The following DNAJC1 variants were observed in gnomAD, a reference collection of about 807,000 sequenced individuals.
The protein encoded by DNAJC1 is DnaJ heat shock protein family (Hsp40) member C1, also known as dnaJ homolog subfamily C member 1.
In DNAJC1, 58 loss-of-function variants were observed where a neutral mutation model predicts 76.6. The ratio of observed to expected loss-of-function variants is 0.76; its 90% CI spans 0.61 to 0.94. The LOEUF is 0.94. Ranked by LOEUF, DNAJC1 falls within the 40% of genes least tolerant of loss-of-function variation. The pLI is 0.00. For synonymous variants in DNAJC1, 258 were observed against 267.9 expected (o/e 0.96, Z 0.36); for missense variants, 689 against 677.3 (o/e 1.02, Z -0.19).
At chr10:21,860,734 C>T (rs974876758) in intron 8 of DNAJC1, 9 of 134,656 alleles carry the variant, frequency 6.7e-5, no homozygotes, top group African/African-American at 2.8e-4. Flanking sequence ...AACAAACAAA[C>T]AAAACGTACC....
chr10:21,839,315 G>A (rs528164767), intron 8 of DNAJC1, among the ~76,000 whole-genome samples: 2 of 152,194 alleles, frequency 1.3e-5, no homozygotes, highest in East Asian at 3.9e-4. Flanking sequence ...TCCAGGAGCT[G>A]GTTTGTTGAA....
intron 8 of DNAJC1, among the ~76,000 whole-genome samples, chr10:21,813,094 C>CATATATATATATATATATATATATAT (rs1451322364): frequency 3.0e-5 from 2 of 66,712 alleles, no homozygotes; most frequent in Admixed American, 1.5e-4. Context: ...TATACACACA[C>CATATATATATATATATATATATATAT]ACATATATAT....
intron 8 of DNAJC1, among the ~76,000 whole-genome samples, chr10:21,863,840 G>A (rs553730450): frequency 6.6e-6 from 1 of 152,176 alleles, no homozygotes; most frequent in South Asian, 2.1e-4. Flanking sequence ...CCTAGATTAA[G>A]GGCATCTGTT....
In DNAJC1 at chr10:22,003,575, T is replaced by C; in HGVS notation, c.-141A>G. 1 of 1,060,432 alleles carries C rather than the reference T, an allele frequency of 9.4e-7. No homozygotes were observed. The allele number at this position is 1,060,432 out of a possible 1,614,324, so 65.7% of individuals were successfully genotyped here. ...GCACCGGAGCGGCCCGCCAGGTGGC[T>C]GGCCCCAGACAGAGCGCGGAGGCGG... On this transcript the variant is annotated 5_prime_UTR_variant, in exon 1 of 12. Transcript: ENST00000376980.
At chr10:21,844,652 A>T (rs1463883569) in intron 8 of DNAJC1, among the ~76,000 whole-genome samples, 2 of 152,222 alleles carry the variant, frequency 1.3e-5, no homozygotes, top group African/African-American at 4.8e-5. Flanking sequence ...TTACTAATAC[A>T]TCCACAATAG....
At position 21,892,286 on chromosome 10, in the gene DNAJC1, C is replaced by T. The variant is rs560898619; in HGVS notation, c.821-9847G>A. On this transcript the variant is annotated intron_variant, in intron 7 of 11. Coordinates refer to ENST00000376980, the MANE Select transcript of DNAJC1 (RefSeq NM_022365.4). Reference sequence around the variant, plus strand: ...AAATAGGAAATAAAAAATACAATAGCAGACTTAAGCCCTAACATATCAATC... The same window carrying T: ...AAATAGGAAATAAAAAATACAATAGTAGACTTAAGCCCTAACATATCAATC... Among the ~76,000 whole-genome samples the T allele has an allele frequency of 7.9e-5, 12 of 151,722 alleles. No individual in the cohort carries two copies. In the South Asian group the frequency reaches 1.7e-3, roughly 21 times the overall value.
At chr10:21,874,642 G>C (rs953044685) in intron 8 of DNAJC1, among the ~76,000 whole-genome samples, 1 of 152,154 alleles carries the variant, frequency 6.6e-6, no homozygotes, top group African/African-American at 2.4e-5. Context: ...TCAGAGAATT[G>C]CTAACTGCTA....
At chr10:21,938,657 T>C (rs1240312484) in intron 1 of DNAJC1, among the ~76,000 whole-genome samples, 1 of 152,146 alleles carries the variant, frequency 6.6e-6, no homozygotes, top group Non-Finnish European at 1.5e-5. Flanking sequence ...CAAAATCAGG[T>C]AGTGGCTGCT....
chr10:21,922,255 T>TA, intron 3 of DNAJC1, among the ~76,000 whole-genome samples: 2 of 152,066 alleles, frequency 1.3e-5, no homozygotes, highest in Admixed American at 1.3e-4. Flanking sequence ...GGAGATATGC[T>TA]AAAAAAATAA....
At chr10:21,975,369 TCA>T (rs1394338644) in intron 1 of DNAJC1, among the ~76,000 whole-genome samples, 2 of 151,552 alleles carry the variant, frequency 1.3e-5, no homozygotes, top group African/African-American at 4.9e-5. Context: ...GAGACCAAAA[TCA>T]CAGACTAAGG....
chr10:21,907,785 T>C (rs1836770124), intron 6 of DNAJC1, among the ~76,000 whole-genome samples: 1 of 151,308 alleles, frequency 6.6e-6, no homozygotes, highest in Non-Finnish European at 1.5e-5. Flanking sequence ...AAGACTAGCC[T>C]GGCCAACATG....
chr10:21,962,625 G>A (rs527424825), intron 1 of DNAJC1, among the ~76,000 whole-genome samples: 8 of 148,924 alleles, frequency 5.4e-5, no homozygotes, highest in African/African-American at 9.9e-5. Flanking sequence ...ATGCCACCAC[G>A]CTCAGCTAAT....
intron 8 of DNAJC1, among the ~76,000 whole-genome samples, chr10:21,809,939 CAT>C (rs1491220169): frequency 2.6e-5 from 4 of 151,168 alleles, no homozygotes; most frequent in Non-Finnish European, 5.9e-5. Flanking sequence ...CATGGCCTTT[CAT>C]GTGTGTGTGT....
intron 8 of DNAJC1, among the ~76,000 whole-genome samples, chr10:21,867,218 G>A (rs1836015429): frequency 6.6e-6 from 1 of 152,042 alleles, no homozygotes; most frequent in South Asian, 2.1e-4. Flanking sequence ...GCAAAAGATG[G>A]TTCTTTGAAA....
intron 8 of DNAJC1, among the ~76,000 whole-genome samples, chr10:21,874,453 A>C (rs555446803): frequency 6.6e-6 from 1 of 152,064 alleles, no homozygotes; most frequent in East Asian, 1.9e-4. Flanking sequence ...AAAAAGAGAG[A>C]GATGAGGTAC....
At chr10:21,866,820 G>A (rs1564812037) in intron 8 of DNAJC1, among the ~76,000 whole-genome samples, 1 of 152,106 alleles carries the variant, frequency 6.6e-6, no homozygotes, top group Non-Finnish European at 1.5e-5. Flanking sequence ...ATCAGAGTGT[G>A]TTCTATTACA....
chr10:21,853,137 C>T (rs977238810), intron 8 of DNAJC1, among the ~76,000 whole-genome samples: 1 of 152,170 alleles, frequency 6.6e-6, no homozygotes, highest in African/African-American at 2.4e-5. Context: ...TCTTGGCATT[C>T]AAAAACTTCT....
chr10:21,993,514 T>A (rs1838361465), intron 1 of DNAJC1, among the ~76,000 whole-genome samples: 1 of 152,250 alleles, frequency 6.6e-6, no homozygotes, highest in Admixed American at 6.5e-5. Context: ...CTGTCTCATA[T>A]TTTATTCTTA....
intron 8 of DNAJC1, among the ~76,000 whole-genome samples, chr10:21,829,714 T>C (rs980173381): frequency 2.0e-4 from 31 of 152,246 alleles, no homozygotes; most frequent in African/African-American, 7.5e-4. Context: ...GTAAATAACA[T>C]ATGGCTGGAT....
Sources: allele counts gnomAD v4.1 joint callset (sites outside exome capture counted in the v4.1 genomes callset), GRCh38; gene constraint gnomAD v4.1.1; transcripts MANE v1.5; gene names NCBI Gene and HGNC (gene_info 2026-07-23, HGNC 2026-07-21).